The following CLYBL variants were observed in gnomAD, a reference collection of about 807,000 sequenced individuals.
CLYBL encodes the protein citramalyl-CoA lyase, also known as citramalyl-CoA lyase, mitochondrial.
CLYBL carries 31 observed loss-of-function variants against 38.9 expected under a neutral mutation model. The observed-to-expected ratio is 0.80, with a 90% confidence interval of 0.60 to 1.08. The LOEUF (loss-of-function observed/expected upper bound fraction) is 1.08. Ranked by LOEUF, CLYBL falls within the 50% of genes least tolerant of loss-of-function variation. The pLI is 0.00. For missense variants in CLYBL, 434 were observed against 411.6 expected (o/e 1.05, Z -0.47); for synonymous variants, 171 against 158.6 (o/e 1.08, Z -0.59).
intron 2 of CLYBL, among the ~76,000 whole-genome samples, chr13:99,789,200 A>G (rs1412586571): frequency 6.6e-6 from 1 of 152,016 alleles, no homozygotes; most frequent in Non-Finnish European, 1.5e-5. Flanking sequence ...TGTCTTCTTC[A>G]GTTCTGCTTT....
intron 1 of CLYBL, among the ~76,000 whole-genome samples, chr13:99,710,237 A>T (rs1355379395): frequency 6.6e-6 from 1 of 152,044 alleles, no homozygotes; most frequent in Non-Finnish European, 1.5e-5. Context: ...TTAAATGGTG[A>T]CTTGTGTTTT....
At chr13:99,644,156 GTATA>G (rs1395113804) in intron 1 of CLYBL, among the ~76,000 whole-genome samples, 1 of 151,522 alleles carries the variant, frequency 6.6e-6, no homozygotes, top group Non-Finnish European at 1.5e-5. Context: ...GTGTATGTAT[GTATA>G]TGTGGTGTAT....
chr13:99,789,555 G>A (rs2049872155), intron 2 of CLYBL, among the ~76,000 whole-genome samples: 1 of 152,116 alleles, frequency 6.6e-6, no homozygotes, highest in African/African-American at 2.4e-5. Context: ...GCACTGTAGT[G>A]TGAGAGACAG....
chr13:99,810,934 C>T (rs749314875), intron 2 of CLYBL, among the ~76,000 whole-genome samples: 2 of 152,076 alleles, frequency 1.3e-5, no homozygotes, highest in African/African-American at 2.4e-5. Flanking sequence ...TTCTCTTCTC[C>T]TTCCTAAGAA....
chr13:99,907,041 G>C (rs1487561764), intron 9 of CLYBL, among the ~76,000 whole-genome samples: 2 of 152,198 alleles, frequency 1.3e-5, no homozygotes, highest in East Asian at 3.8e-4. Context: ...AAATTACAGA[G>C]GTATGGCTAA....
Position 99,879,617 on chromosome 13 carries a change from G to A in CLYBL, c.927+8555G>A, listed in dbSNP as rs548304176. Reference sequence around the variant, plus strand: ...AGCATCCCTGAGTCTAGTTTCTTAAGGAGACAACTAAATCTATGATTTATA... The same window carrying A: ...AGCATCCCTGAGTCTAGTTTCTTAAAGAGACAACTAAATCTATGATTTATA... On this transcript the variant is annotated intron_variant, in intron 7 of 8. Coordinates refer to ENST00000339105, the MANE Select transcript of CLYBL (RefSeq NM_206808.5). Among the ~76,000 whole-genome samples, 6 of 152,316 alleles carry A rather than the reference G, an allele frequency of 3.9e-5. No homozygotes were observed. The East Asian group carries it at 1.2e-3, about 29-fold the overall frequency.
At chr13:99,874,674 CA>C (rs1375711124) in intron 7 of CLYBL, among the ~76,000 whole-genome samples, 2 of 152,024 alleles carry the variant, frequency 1.3e-5, no homozygotes, top group Non-Finnish European at 2.9e-5. Context: ...GTTTATACAA[CA>C]TATAAACATT....
At chr13:99,827,421 G>A (rs797009722) in intron 2 of CLYBL, among the ~76,000 whole-genome samples, 1 of 152,136 alleles carries the variant, frequency 6.6e-6, no homozygotes, top group South Asian at 2.1e-4. Flanking sequence ...GCGTGGTCTT[G>A]TTGATGAGGA....
chr13:99,757,522 C>T (rs1047228509), intron 1 of CLYBL, among the ~76,000 whole-genome samples: 10 of 152,194 alleles, frequency 6.6e-5, no homozygotes, highest in African/African-American at 2.4e-4. Context: ...GTGGCATGAT[C>T]TCGGCTCACT....
intron 1 of CLYBL, among the ~76,000 whole-genome samples, chr13:99,607,517 A>G (rs1474522537): frequency 6.6e-6 from 1 of 152,198 alleles, no homozygotes; most frequent in Non-Finnish European, 1.5e-5. Context: ...TCTTTGGACC[A>G]CACTTTGAGA....
Position 99,751,504 on chromosome 13 carries a change from A to G in CLYBL, c.63-21320A>G, listed in dbSNP as rs150589040. On this transcript the variant is annotated intron_variant, in intron 1 of 8. Transcript: ENST00000339105. Reference sequence around the variant, plus strand: ...CCAAAGTGCTGGGATTACAGGCGTGAGCCCCTACACCTGGTGAACCTTGAA... The same window carrying G: ...CCAAAGTGCTGGGATTACAGGCGTGGGCCCCTACACCTGGTGAACCTTGAA... Among the ~76,000 whole-genome samples, 947 of 152,334 alleles carry G rather than the reference A, an allele frequency of 6.2e-3. 9 individuals carry two copies. Among genetic ancestry groups the G allele is most frequent in the African/African-American group, 0.022 (895 of 41,574 alleles).
intron 1 of CLYBL, among the ~76,000 whole-genome samples, chr13:99,664,270 A>C (rs889386531): frequency 1.3e-5 from 2 of 152,260 alleles, no homozygotes; most frequent in African/African-American, 4.8e-5. Context: ...TTACAAAAAA[A>C]GTTCTGACAA....
At chr13:99,832,635 T>C (rs1317449409) in intron 2 of CLYBL, among the ~76,000 whole-genome samples, 1 of 152,120 alleles carries the variant, frequency 6.6e-6, no homozygotes, top group African/African-American at 2.4e-5. Flanking sequence ...CCTGAAGTTA[T>C]CATTCAAGGG....
At chr13:99,830,401 C>T (rs1034379725) in intron 2 of CLYBL, among the ~76,000 whole-genome samples, 2 of 152,132 alleles carry the variant, frequency 1.3e-5, no homozygotes, top group African/African-American at 2.4e-5. Context: ...GGAGGCTGAG[C>T]GTGGTTCCAG....
chr13:99,608,361 C>T (rs1026471254), intron 1 of CLYBL, among the ~76,000 whole-genome samples: 1 of 152,226 alleles, frequency 6.6e-6, no homozygotes, highest in African/African-American at 2.4e-5. Flanking sequence ...GCGTGAGCCA[C>T]CGTGCCCGGC....
chr13:99,789,839 C>G (rs1332049752), intron 2 of CLYBL, among the ~76,000 whole-genome samples: 1 of 152,134 alleles, frequency 6.6e-6, no homozygotes, highest in Non-Finnish European at 1.5e-5. Flanking sequence ...GTCTAAGTCT[C>G]TTTGTAGATC....
chr13:99,631,980 C>T (rs2046952990), intron 1 of CLYBL, among the ~76,000 whole-genome samples: 1 of 152,138 alleles, frequency 6.6e-6, no homozygotes, highest in African/African-American at 2.4e-5. Context: ...GAGAATCTAC[C>T]TCAAAAGACA....
chr13:99,705,235 G>A (rs977355934), intron 1 of CLYBL, among the ~76,000 whole-genome samples: 1 of 151,070 alleles, frequency 6.6e-6, no homozygotes, highest in African/African-American at 2.5e-5. Context: ...ACAATGTGGT[G>A]TACACATGCA....
intron 1 of CLYBL, among the ~76,000 whole-genome samples, chr13:99,651,173 A>G (rs139503207): frequency 1.3e-5 from 2 of 152,220 alleles, no homozygotes; most frequent in Non-Finnish European, 2.9e-5. Context: ...TGCTCTTTGT[A>G]CCCTGTGCTG....
Sources: allele counts gnomAD v4.1 joint callset (sites outside exome capture counted in the v4.1 genomes callset), GRCh38; gene constraint gnomAD v4.1.1; transcripts MANE v1.5; gene names NCBI Gene and HGNC (gene_info 2026-07-23, HGNC 2026-07-21).